The following ZNF311 variants were observed in gnomAD, a reference collection of about 807,000 sequenced individuals.
ZNF311 encodes the protein zinc finger protein zfp31.
Under a neutral mutation model 22.7 loss-of-function variants are expected in ZNF311, and 14 were observed. The observed-to-expected ratio is 0.62, with a 90% confidence interval of 0.41 to 0.96. The LOEUF is 0.96. Ranked by LOEUF, ZNF311 falls within the 40% of genes least tolerant of loss-of-function variation. The pLI is 0.00. For missense variants in ZNF311, 731 were observed against 799.0 expected (o/e 0.91, Z 1.03); for synonymous variants, 250 against 275.3 (o/e 0.91, Z 0.91).
At position 28,995,557 on chromosome 6, in the gene ZNF311, T is replaced by C. The variant is rs1211821767; in HGVS notation, c.1445A>G (p.His482Arg). The C allele has an allele frequency of 5.6e-6, 9 of 1,613,696 alleles. No homozygotes were observed. Among genetic ancestry groups the C allele is most frequent in the Non-Finnish European group, 7.6e-6 (9 of 1,180,000 alleles). The change falls in exon 7 of 7, where the codon CAT becomes CGT. Residue 482 changes from histidine to arginine, a missense_variant. His to Arg is a conservative substitution (Grantham distance 29). Transcript: ENST00000377179. The surrounding 1 kb of genome is among the most constrained non-coding windows in gnomAD (Gnocchi z 4.7). ...TTCATGAGCCCTGCGCTTACAGTTA[T>C]GACGAAAGGCTTTCCCACACTCCTC... Reference protein sequence around the residue: ...RCEECGKAFRHNCKRRAHERE... With the variant: ...RCEECGKAFRRNCKRRAHERE...
rs1779277324 is a variant in ZNF311 at position 28,995,089 on chromosome 6, C to G, written c.1913G>C (p.Ser638Thr). The G allele has an allele frequency of 6.2e-7, 1 of 1,613,672 alleles. No homozygotes were observed. The highest frequency in any genetic ancestry group is 8.5e-7 in the Non-Finnish European group (1 of 1,180,054). ...CCTACTCCCATCAAGTTCATGGGTA[C>G]TCCATACTTGATGTTTTCTTTTCTT... ...GHKKRKHQVWSTHELDGSRKS... is the reference protein window; with the variant it reads ...GHKKRKHQVWTTHELDGSRKS... The change falls in exon 7 of 7, where the codon AGT (serine) becomes ACT (threonine). Residue 638 changes from serine to threonine, a missense_variant. By Grantham distance (58) the Ser-to-Thr change is moderately conservative. Transcript: ENST00000377179. This position sits in a 1 kb window ranked among gnomAD's most constrained non-coding sequence, Gnocchi z 4.7.
intron 6 of ZNF311, among the ~76,000 whole-genome samples, chr6:28,997,563 A>G (rs1420399590): frequency 6.6e-6 from 1 of 152,100 alleles, no homozygotes; most frequent in African/African-American, 2.4e-5. Context: ...AACATCCTTT[A>G]CCCTGAATCC....
Position 28,995,795 on chromosome 6 carries a change from T to C in ZNF311, c.1207A>G (p.Thr403Ala), listed in dbSNP as rs1228838875. 1.2e-6 allele frequency: 2 copies of C among 1,613,984 alleles called. No homozygotes were observed. The highest frequency in any genetic ancestry group is 1.3e-5 in the African/African-American group (1 of 75,006). ...CCAGTGTGGATTCTTATGTGTTTGGTGAGGTCTGAACTCCCACTGAAGGCC... is the reference window on the plus strand; with the variant it reads ...CCAGTGTGGATTCTTATGTGTTTGGCGAGGTCTGAACTCCCACTGAAGGCC... ...GKAFSGSSDL[T>A]KHIRIHTGER... Residue 403 changes from threonine to alanine, a missense_variant, in exon 7 of 7, where the codon ACC becomes GCC. Transcript: ENST00000377179. The surrounding 1 kb of genome is among the most constrained non-coding windows in gnomAD (Gnocchi z 4.7).
Position 29,003,951 on chromosome 6 carries a change from G to C in ZNF311, c.4C>G (p.Gln2Glu), listed in dbSNP as rs1187720822. ...ACAGACCCTCCTCTTCTTACCTCCT[G>C]CATCTTTTTACTCAGGTTTCTTTAA... M[Q>E]EVVLLDESSG... Residue 2 changes from glutamine (Q) to glutamate (E), a missense_variant, in exon 2 of 7, where the codon CAG becomes GAG. Gln to Glu is a conservative substitution (Grantham distance 29, BLOSUM62 2). Transcript: ENST00000377179. 1.2e-5 allele frequency: 19 copies of C among 1,612,750 alleles called. 1 individual carries two copies. The highest frequency in any genetic ancestry group is 1.4e-5 in the Non-Finnish European group (17 of 1,179,850).
Position 28,996,338 on chromosome 6 carries a change from T to C in ZNF311, c.664A>G (p.Lys222Glu). The C allele has an allele frequency of 6.2e-7, 1 of 1,612,724 alleles. No homozygotes were observed. Among genetic ancestry groups the C allele is most frequent in the Non-Finnish European group, 8.5e-7 (1 of 1,180,030 alleles). Residue 222 changes from lysine to glutamate, a missense_variant, in exon 7 of 7, where the codon AAA becomes GAA. Lys to Glu is a moderately conservative substitution (Grantham distance 56, BLOSUM62 1). Transcript: ENST00000377179. Reference protein sequence around the residue: ...EVTCKKGKNQKVLSKNLNPNS... With the variant: ...EVTCKKGKNQEVLSKNLNPNS... ...GGATTCAAGTTTTTACTAAGCACTT[T>C]CTGGTTCTTTCCTTTTTTGCAGGTC...
chr6:28,996,478 T>C lies in ZNF311; in HGVS notation c.524A>G (p.Asp175Gly), dbSNP rs779272433. The change falls in exon 7 of 7, where the codon GAT becomes GGT. Residue 175 changes from aspartate (D) to glycine (G), a missense_variant. By Grantham distance (94) the Asp-to-Gly change is moderately conservative. Coordinates refer to ENST00000377179, the MANE Select transcript of ZNF311 (RefSeq NM_001382360.1). ...TTCTCTAACCTTAGGATCCCGGGAATCAACTTTTAGGAGACTGTTAAATTT... is the reference window on the plus strand; with the variant it reads ...TTCTCTAACCTTAGGATCCCGGGAACCAACTTTTAGGAGACTGTTAAATTT... ...WMKFNSLLKV[D>G]SRDPKVREVC... 4 of 1,608,530 alleles carry C rather than the reference T, an allele frequency of 2.5e-6. No individual in the cohort carries two copies. In the East Asian group the frequency reaches 8.9e-5, roughly 36 times the overall value.
At chr6:28,998,702 C>A (rs1779978932) in intron 6 of ZNF311, 32 bp downstream of exon 6, 1 of 1,456,782 alleles carries the variant, frequency 6.9e-7, no homozygotes, top group Non-Finnish European at 9.6e-7. Context: ...CATGGAAGAT[C>A]AGAGGGAACT....
At chr6:29,003,862 T>C (rs1383054583) in intron 2 of ZNF311, 84 bp downstream of exon 2, 1 of 1,612,418 alleles carries the variant, frequency 6.2e-7, no homozygotes, top group Admixed American at 1.7e-5. Flanking sequence ...CAGACACACC[T>C]CCACTCACAC....
chr6:28,994,936 A>G lies in ZNF311; in HGVS notation c.*65T>C, dbSNP rs1779248297. ...GGTCAGGAAATCAGGAATAACTAATATAAGAGACAGAAGGACCAGCCTAAG... is the reference window on the plus strand; with the variant it reads ...GGTCAGGAAATCAGGAATAACTAATGTAAGAGACAGAAGGACCAGCCTAAG... On this transcript the variant is annotated 3_prime_UTR_variant, in exon 7 of 7. Transcript: ENST00000377179. 7.5e-6 allele frequency: 11 copies of G among 1,462,534 alleles called. No homozygotes were observed. Among genetic ancestry groups the G allele is most frequent in the Non-Finnish European group, 9.0e-6 (10 of 1,106,750 alleles). The allele number at this position is 1,462,534 out of a possible 1,614,324, so 90.6% of individuals were successfully genotyped here.
Position 28,998,803 on chromosome 6 carries a change from G to A in ZNF311, c.346C>T (p.Leu116=). The A allele has an allele frequency of 6.2e-7, 1 of 1,613,044 alleles. No individual in the cohort carries two copies. Among genetic ancestry groups the A allele is most frequent in the Non-Finnish European group, 8.5e-7 (1 of 1,180,012 alleles). ...PFPKPPLISH[L]EREVDPCVQD... The stretch of plus-strand genomic sequence containing the variant: ...ACACAGGGGTCTACTTCTCGCTCCA[G>A]ATGAGAGATTAAAGGAGGTTTAGGA... The change falls in exon 6 of 7, where the codon CTG becomes TTG. Residue 116 remains leucine (L), a synonymous_variant. Coordinates refer to ENST00000377179, the MANE Select transcript of ZNF311 (RefSeq NM_001382360.1).
Position 29,003,608 on chromosome 6 carries a change from CAG to C in ZNF311, c.10-16_10-15del. 6.2e-7 allele frequency: 1 copy of C among 1,612,912 alleles called. No individual in the cohort carries two copies. Among genetic ancestry groups the C allele is most frequent in the Non-Finnish European group, 8.5e-7 (1 of 1,179,922 alleles). On this transcript the variant is annotated splice_polypyrimidine_tract_variant and intron_variant, in intron 2 of 6. Coordinates refer to ENST00000377179, the MANE Select transcript of ZNF311 (RefSeq NM_001382360.1). ...CAACAGCACAACCTATTGCAAGACACAGAATGAATTCAGGAAAGTTATGAAGG... is the reference window on the plus strand; with the variant it reads ...CAACAGCACAACCTATTGCAAGACACAATGAATTCAGGAAAGTTATGAAGG...
At chr6:28,997,657 T>C (rs576294076) in intron 6 of ZNF311, among the ~76,000 whole-genome samples, 132 of 152,324 alleles carry the variant, frequency 8.7e-4, no homozygotes, top group African/African-American at 3.0e-3. Context: ...CTTAAAATAC[T>C]TCAATGGCAC....
Position 28,994,992 on chromosome 6 carries a change from T to C in ZNF311, c.*9A>G. 1 of 1,578,760 alleles carries C rather than the reference T, an allele frequency of 6.3e-7. No homozygotes were observed. Among genetic ancestry groups the C allele is most frequent in the Non-Finnish European group, 8.6e-7 (1 of 1,163,988 alleles). On this transcript the variant is annotated 3_prime_UTR_variant, in exon 7 of 7. Transcript: ENST00000377179. ...GGAAAAACAGAAAGTAACACCAGAA[T>C]CGTTATACTCAGGCACTGGTCAAAA...
At chr6:28,998,575 C>T (rs1779961791) in intron 6 of ZNF311, among the ~76,000 whole-genome samples, 159 bp downstream of exon 6, 1 of 152,100 alleles carries the variant, frequency 6.6e-6, no homozygotes, top group Non-Finnish European at 1.5e-5. Context: ...GAATAATTGC[C>T]CAAATAGTTT....
chr6:28,997,859 A>G (rs1424502199), intron 6 of ZNF311, among the ~76,000 whole-genome samples: 4 of 152,226 alleles, frequency 2.6e-5, no homozygotes, highest in Non-Finnish European at 5.9e-5. Context: ...TGTAAAGCAC[A>G]TGCCACACTG....
intron 2 of ZNF311, 131 bp downstream of exon 2, chr6:29,003,815 G>A (rs760739096): frequency 1.5e-5 from 24 of 1,589,424 alleles, no homozygotes; most frequent in Non-Finnish European, 2.1e-5. Flanking sequence ...AGCAAAAACA[G>A]TATCTAGGAG....
chr6:28,996,031 G>A lies in ZNF311; in HGVS notation c.971C>T (p.Thr324Ile). Residue 324 changes from threonine (T) to isoleucine (I), a missense_variant, in exon 7 of 7, where the codon ACC (threonine) becomes ATC (isoleucine). Coordinates refer to ENST00000377179, the MANE Select transcript of ZNF311 (RefSeq NM_001382360.1). The part of the protein sequence containing the change: ...SRSALCRHKK[T>I]HSGEKPHECR... The stretch of plus-strand genomic sequence containing the variant: ...CTCGTGAGGCTTCTCCCCACTGTGG[G>A]TTTTTTTATGTCGGCAAAGAGCTGA... 6.2e-7 allele frequency: 1 copy of A among 1,613,340 alleles called. No homozygotes were observed. Among genetic ancestry groups the A allele is most frequent in the Non-Finnish European group, 8.5e-7 (1 of 1,180,018 alleles).
At chr6:29,003,862 T>A (rs1383054583) in intron 2 of ZNF311, 84 bp downstream of exon 2, 25 of 1,612,300 alleles carry the variant, frequency 1.6e-5, no homozygotes, top group Non-Finnish European at 1.6e-5. Flanking sequence ...CAGACACACC[T>A]CCACTCACAC....
intron 3 of ZNF311, among the ~76,000 whole-genome samples, chr6:29,001,670 A>G (rs1002550687): frequency 1.3e-5 from 2 of 152,226 alleles, no homozygotes; most frequent in Admixed American, 6.5e-5. Flanking sequence ...AGTATATAGA[A>G]AAGTTGAAAA....
Sources: gnomAD v4.1 joint callset for allele counts (sites outside exome capture counted in the v4.1 genomes callset) on GRCh38, gnomAD v4.1.1 for gene constraint, Gnocchi (gnomAD v3.1) non-coding constraint, MANE v1.5 for transcripts, NCBI Gene and HGNC (gene_info 2026-07-23, HGNC 2026-07-21) for gene names.